Variants in PDZK1IP1 observed in about 807,000 individuals in gnomAD.
PDZK1IP1 encodes PDZK1-interacting protein 1.
PDZK1IP1 carries 9 observed loss-of-function variants against 14.7 expected under a neutral mutation model. The ratio of observed to expected loss-of-function variants is 0.61; its 90% CI spans 0.37 to 1.07. The LOEUF is 1.07. Among genes scored for constraint, PDZK1IP1 ranks in the 50% least tolerant of loss-of-function variants. The probability of loss-of-function intolerance (pLI) is 0.01; values close to 1 mark genes in which losing one functional copy is unlikely to be tolerated. For synonymous variants in PDZK1IP1, 70 were observed against 61.2 expected, an observed-to-expected ratio of 1.14 and a Z score of -0.67; for missense variants, 152 against 148.7, an observed-to-expected ratio of 1.02 and a Z score of -0.11.
At chr1:47,186,096 G>T (rs534274277) in intron 2 of PDZK1IP1, among the ~76,000 whole-genome samples, 1 of 152,242 alleles carries the variant, frequency 6.6e-6, no homozygotes, top group Admixed American at 6.5e-5. Context: ...GGATCACGAG[G>T]TTGGGAGTTG....
intron 3 of PDZK1IP1, among the ~76,000 whole-genome samples, chr1:47,184,504 C>T (rs1282462507): frequency 2.0e-5 from 3 of 148,958 alleles, no homozygotes; most frequent in Non-Finnish European, 3.0e-5. Flanking sequence ...TGAACCCATC[C>T]CCCACTGAAT....
chr1:47,189,819 T>C (rs758153749), intron 1 of PDZK1IP1, 47 bp downstream of exon 1: 34 of 1,453,760 alleles, frequency 2.3e-5, no homozygotes, highest in Admixed American at 6.4e-5. Flanking sequence ...GAACACCACC[T>C]GTCCACCCCT....
At chr1:47,185,951 A>G (rs112099504) in intron 2 of PDZK1IP1, among the ~76,000 whole-genome samples, 112 of 152,174 alleles carry the variant, frequency 7.4e-4, no homozygotes, top group Non-Finnish European at 1.2e-3. Flanking sequence ...GCTGCCGTGC[A>G]TCTGCCACGA....
At chr1:47,185,789 G>A (rs1645315818) in intron 2 of PDZK1IP1, among the ~76,000 whole-genome samples, 1 of 151,916 alleles carries the variant, frequency 6.6e-6, no homozygotes, top group Non-Finnish European at 1.5e-5. Context: ...TGTCTGTGAC[G>A]ACCAACTCCC....
intron 1 of PDZK1IP1, 69 bp from the exon 2 acceptor site, chr1:47,187,496 C>T (rs1645327596): frequency 1.6e-6 from 2 of 1,273,130 alleles, no homozygotes; most frequent in East Asian, 4.8e-5. Flanking sequence ...GAGCGAGGGG[C>T]CTCACTCTTC....
chr1:47,188,041 G>A (rs1009721115), intron 1 of PDZK1IP1, among the ~76,000 whole-genome samples: 1 of 152,198 alleles, frequency 6.6e-6, no homozygotes, highest in Non-Finnish European at 1.5e-5. Flanking sequence ...ATGGAGGGGT[G>A]AACTCTACTC....
At position 47,189,958 on chromosome 1, in the gene PDZK1IP1, T is replaced by C; in HGVS notation, c.-26A>G. 1 of 1,559,142 alleles carries C rather than the reference T, an allele frequency of 6.4e-7. No homozygotes were observed. Among genetic ancestry groups the C allele is most frequent in the Non-Finnish European group, 8.6e-7 (1 of 1,161,294 alleles). On this transcript the variant is annotated 5_prime_UTR_variant, in exon 1 of 4. Coordinates refer to ENST00000294338, the MANE Select transcript of PDZK1IP1 (RefSeq NM_005764.4). Reference sequence around the variant, plus strand: ...GGCTGCAGCAGCTCCTAGCCTTGCTTCTGGCCGCCGGTGTCTGGGCTCCTG... The same window carrying C: ...GGCTGCAGCAGCTCCTAGCCTTGCTCCTGGCCGCCGGTGTCTGGGCTCCTG...
intron 2 of PDZK1IP1, 47 bp from the exon 3 acceptor site, chr1:47,185,144 G>C (rs200260236): frequency 7.1e-7 from 1 of 1,408,950 alleles, no homozygotes; most frequent in East Asian, 2.3e-5. Context: ...GGCCCCCCTC[G>C]TCCAAGCAGA....
At chr1:47,185,516 C>T (rs1164322214) in intron 2 of PDZK1IP1, among the ~76,000 whole-genome samples, 3 of 152,128 alleles carry the variant, frequency 2.0e-5, no homozygotes, top group South Asian at 2.1e-4. Context: ...ACAACCTTCT[C>T]GTCTCTTACT....
At chr1:47,188,090 G>A (rs1424294114) in intron 1 of PDZK1IP1, among the ~76,000 whole-genome samples, 1 of 152,206 alleles carries the variant, frequency 6.6e-6, no homozygotes, top group Non-Finnish European at 1.5e-5. Context: ...CAAAACCTGA[G>A]CTCCTTTTGA....
At position 47,183,851 on chromosome 1, in the gene PDZK1IP1, G is replaced by A; in HGVS notation, c.*120C>T. ...TCAAGGGCGGGTAGGGCCGGCATGG[G>A]GCTGGAGGGAGTCAGCCCACTATTG... On this transcript the variant is annotated 3_prime_UTR_variant, in exon 4 of 4. Transcript: ENST00000294338. The A allele has an allele frequency of 1.2e-6, 1 of 850,692 alleles. No homozygotes were observed. Among genetic ancestry groups the A allele is most frequent in the Non-Finnish European group, 1.9e-6 (1 of 523,030 alleles). 52.7% of individuals were successfully genotyped at this position (850,692 alleles called of 1,614,324 possible).
At chr1:47,186,040 G>A (rs769879645) in intron 2 of PDZK1IP1, among the ~76,000 whole-genome samples, 4 of 152,190 alleles carry the variant, frequency 2.6e-5, no homozygotes, top group Non-Finnish European at 5.9e-5. Context: ...GCAGGGCATG[G>A]TGGCTCACAC....
chr1:47,185,286 T>G, intron 2 of PDZK1IP1, 189 bp from the exon 3 acceptor site: 1 of 581,934 alleles, frequency 1.7e-6, no homozygotes, highest in Non-Finnish European at 3.1e-6. Flanking sequence ...CCCCACTCCA[T>G]AGTGGGGGGC....
rs74074007 is a variant in PDZK1IP1 at position 47,187,927 on chromosome 1, G to A, written c.68-500C>T. ...CAAGACGTTTCTCTGATGGTAGGAAGGGTATGAGAGTGGGAGACTCTCAGG... is the reference window on the plus strand; with the variant it reads ...CAAGACGTTTCTCTGATGGTAGGAAAGGTATGAGAGTGGGAGACTCTCAGG... On this transcript the variant is annotated intron_variant, in intron 1 of 3. Coordinates refer to ENST00000294338, the MANE Select transcript of PDZK1IP1 (RefSeq NM_005764.4). 9.8e-3 allele frequency among the ~76,000 whole-genome samples: 1,487 copies of A among 152,318 alleles called. 24 individuals carry two copies. Among genetic ancestry groups the A allele is most frequent in the African/African-American group, 0.034 (1,413 of 41,572 alleles).
rs1456032386 is a variant in PDZK1IP1 at position 47,187,233 on chromosome 1, T to G, written c.176+86A>C. 6.5e-5 allele frequency: 59 copies of G among 902,728 alleles called. No homozygotes were observed. The South Asian group carries it at 7.6e-4, about 12-fold the overall frequency. 55.9% of individuals were successfully genotyped at this position (902,728 alleles called of 1,614,324 possible). The stretch of plus-strand genomic sequence containing the variant: ...CAGGGGGAGGATTGGACACAGGGTT[T>G]CTGAGGCCCTTCTCACTGCTACTAG... On this transcript the variant is annotated intron_variant, in intron 2 of 3. Coordinates refer to ENST00000294338, the MANE Select transcript of PDZK1IP1 (RefSeq NM_005764.4).
Position 47,183,888 on chromosome 1 carries a change from C to A in PDZK1IP1, c.*83G>T. ...TCAGCCCACTATTGCAGATTCCACA[C>A]AAAGAAGGAGGGGGCTTGGGTGGTA... On this transcript the variant is annotated 3_prime_UTR_variant, in exon 4 of 4. Transcript: ENST00000294338. The A allele has an allele frequency of 8.3e-7, 1 of 1,208,082 alleles. No homozygotes were observed. Among genetic ancestry groups the A allele is most frequent in the Non-Finnish European group, 1.2e-6 (1 of 835,904 alleles). The allele number at this position is 1,208,082 out of a possible 1,614,324, so 74.8% of individuals were successfully genotyped here.
At chr1:47,188,791 T>C (rs1441576110) in intron 1 of PDZK1IP1, among the ~76,000 whole-genome samples, 1 of 152,160 alleles carries the variant, frequency 6.6e-6, no homozygotes, top group East Asian at 1.9e-4. Flanking sequence ...TACCCTCAGT[T>C]CCACACCTGC....
intron 2 of PDZK1IP1, 119 bp from the exon 3 acceptor site, chr1:47,185,216 T>C: frequency 1.3e-6 from 1 of 760,678 alleles, no homozygotes; most frequent in African/African-American, 1.7e-5. Flanking sequence ...CCCAGAGCTG[T>C]GTGCAACAGG....
At chr1:47,184,551 A>G (rs1569851493) in intron 3 of PDZK1IP1, among the ~76,000 whole-genome samples, 1 of 10,292 alleles carries the variant, frequency 9.7e-5, no homozygotes, top group African/African-American at 3.4e-4. Flanking sequence ...ACTGAGCTCC[A>G]TCCCCCACTG....
Sources: allele counts gnomAD v4.1 joint callset (sites outside exome capture counted in the v4.1 genomes callset), GRCh38; gene constraint gnomAD v4.1.1; transcripts MANE v1.5; gene names NCBI Gene and HGNC (gene_info 2026-07-23, HGNC 2026-07-21).